Variants in NBPF12 observed in about 807,000 individuals in gnomAD.
NBPF12 encodes NBPF member 12.
In NBPF12, 115 loss-of-function variants were observed where a neutral mutation model predicts 146.4. That is an observed-to-expected ratio of 0.79 (90% CI 0.68 to 0.92). The LOEUF (loss-of-function observed/expected upper bound fraction) is 0.92. NBPF12 is among the 40% of genes least tolerant of loss of function. The pLI is 0.00. For missense variants in NBPF12, 1,205 were observed against 1,326.8 expected, an observed-to-expected ratio of 0.91 and a Z score of 1.43; for synonymous variants, 385 against 508.9, an observed-to-expected ratio of 0.76 and a Z score of 3.28.
intron 15 of NBPF12, among the ~76,000 whole-genome samples, chr1:146,975,147 G>A (rs1397668867): frequency 7.6e-6 from 1 of 130,958 alleles, no homozygotes; most frequent in Non-Finnish European, 1.6e-5. Flanking sequence ...TACTCAAAAT[G>A]GTGTGCCATC....
intron 14 of NBPF12, among the ~76,000 whole-genome samples, chr1:146,973,436 G>A (rs1305929194): frequency 6.1e-3 from 827 of 135,634 alleles, no homozygotes; most frequent in African/African-American, 0.014. Flanking sequence ...GCTCTGAGGG[G>A]CTTCAAGAGG....
chr1:146,961,435 A>G (rs1246823423), intron 4 of NBPF12, among the ~76,000 whole-genome samples: 2 of 152,130 alleles, frequency 1.3e-5, no homozygotes, highest in African/African-American at 4.8e-5. Context: ...AATGAATTAC[A>G]TGAGGTATTT....
At chr1:146,950,232 T>G (rs1454398332) in intron 1 of NBPF12, among the ~76,000 whole-genome samples, 2 of 151,298 alleles carry the variant, frequency 1.3e-5, no homozygotes, top group African/African-American at 4.9e-5. Context: ...CCACATCAGA[T>G]CAAAAGTTTA....
At chr1:146,976,800 A>G (rs1409033640) in intron 16 of NBPF12, 129 bp from the exon 20 acceptor site, 4 of 569,012 alleles carry the variant, frequency 7.0e-6, no homozygotes, top group East Asian at 3.0e-5. Flanking sequence ...TGTTAAAGAT[A>G]AAACATGAGA....
In NBPF12 at chr1:146,951,191, A is replaced by G. The variant is rs1365529544; in HGVS notation, c.-325-157A>G. Among the ~76,000 whole-genome samples, 44 of 152,222 alleles carry G rather than the reference A, an allele frequency of 2.9e-4. No homozygotes were observed. In the South Asian group the frequency reaches 7.7e-3, roughly 27 times the overall value. ...GGGATTCAGGAAGGAGTTTAATCAT[A>G]TAAAGAATCCTGTGACCAGTATGAG... is the stretch of plus-strand genomic sequence containing the variant. On this transcript the variant is annotated intron_variant, in intron 1 of 33. Coordinates refer to ENST00000617844, the Ensembl canonical transcript of NBPF12.
At chr1:146,942,243 C>A (rs1462635308) in intron 1 of NBPF12, among the ~76,000 whole-genome samples, 1 of 151,598 alleles carries the variant, frequency 6.6e-6, no homozygotes, top group African/African-American at 2.4e-5. Context: ...CACACCTTGG[C>A]ATCCCAAAGT....
At chr1:146,965,823 C>T (rs1364065060) in intron 8 of NBPF12, among the ~76,000 whole-genome samples, 2 of 55,854 alleles carry the variant, frequency 3.6e-5, no homozygotes, top group East Asian at 1.5e-3. Flanking sequence ...AAAAAAAAGT[C>T]TCTGACCAGG....
chr1:146,970,571 C>G, intron 11 of NBPF12, 76 bp from the exon 15 acceptor site: 1 of 1,542,980 alleles, frequency 6.5e-7, no homozygotes, highest in Non-Finnish European at 8.9e-7. Flanking sequence ...ATGTTCATGT[C>G]TCTGTGCACG....
At chr1:146,978,024 G>A (rs1343178531) in intron 18 of NBPF12, among the ~76,000 whole-genome samples, 4 of 152,020 alleles carry the variant, frequency 2.6e-5, no homozygotes, top group South Asian at 4.2e-4. Context: ...GCCTGTTTAA[G>A]GAAGCTGGCA....
intron 6 of NBPF12, 99 bp from the exon 10 acceptor site, chr1:146,964,258 G>A (rs1441376977): frequency 9.7e-6 from 15 of 1,549,010 alleles, no homozygotes; most frequent in African/African-American, 1.4e-5. Flanking sequence ...GTACAATGCT[G>A]AACCATACAT....
exon 34 of NBPF12, chr1:146,994,691 G>T (rs1312812641): frequency 2.8e-5 from 43 of 1,509,562 alleles, no homozygotes; most frequent in South Asian, 1.5e-4. Flanking sequence ...GGGTCAGTGG[G>T]CATGGCTCTA....
chr1:146,970,678 A>C, exon 12 of NBPF12: 15 of 1,460,550 alleles, frequency 1.0e-5, no homozygotes, highest in Non-Finnish European at 1.4e-5. Context: ...AAGATGTTCA[A>C]GTTGAGGAGG....
At chr1:146,972,779 C>G (rs1222718780) in exon 14 of NBPF12, 1 of 1,235,216 alleles carries the variant, frequency 8.1e-7, no homozygotes, top group East Asian at 2.3e-5. Context: ...CTGCCACAAA[C>G]GTCAGCATGG....
intron 9 of NBPF12, among the ~76,000 whole-genome samples, chr1:146,967,137 C>G (rs1656261227): frequency 2.0e-5 from 3 of 150,478 alleles, no homozygotes; most frequent in African/African-American, 7.5e-5. Flanking sequence ...TAGCCAGTAC[C>G]CGCTCTGAGG....
intron 1 of NBPF12, chr1:146,939,011 A>C (rs1332323276): frequency 2.6e-5 from 4 of 152,366 alleles, no homozygotes; most frequent in African/African-American, 9.7e-5. Context: ...GCCGGGCGGC[A>C]GGTGAGTCTG....
At chr1:146,965,802 A>AAAAAAAAAAAC (rs1656160808) in intron 8 of NBPF12, among the ~76,000 whole-genome samples, 1 of 137,574 alleles carries the variant, frequency 7.3e-6, no homozygotes, top group Non-Finnish European at 1.6e-5. Flanking sequence ...AAAAAAAAAA[A>AAAAAAAAAAAC]AAAAAAAAAA....
At chr1:146,992,460 C>CCG (rs1465709029) in intron 31 of NBPF12, among the ~76,000 whole-genome samples, 1 of 88,880 alleles carries the variant, frequency 1.1e-5, no homozygotes, top group Non-Finnish European at 2.1e-5. Flanking sequence ...CTCTCTCTCT[C>CCG]TCTGTGTGTG....
intron 21 of NBPF12, 139 bp from the exon 25 acceptor site, chr1:146,984,674 G>A: frequency 5.7e-6 from 4 of 696,976 alleles, no homozygotes; most frequent in Middle Eastern, 3.9e-4. Context: ...ACAACATAAA[G>A]GCAATAATTT....
rs1259412307 is a variant in NBPF12 at position 146,966,684 on chromosome 1, C to A, written c.988+11C>A. 2.4e-6 allele frequency: 3 copies of A among 1,263,668 alleles called. No homozygotes were observed. The highest frequency in any genetic ancestry group is 3.0e-5 in the African/African-American group (2 of 66,630). The allele number at this position is 1,263,668 out of a possible 1,614,324, so 78.3% of individuals were successfully genotyped here. On this transcript the variant is annotated intron_variant, in intron 9 of 33. Transcript: ENST00000617844. ...AGCAGAACAAATACAGTAAGATCTA[C>A]AGGCTCACCATCACGAAAGTGATGA...
Sources: allele counts gnomAD v4.1 joint callset (sites outside exome capture counted in the v4.1 genomes callset), GRCh38; gene constraint gnomAD v4.1.1; transcripts MANE v1.5; gene names NCBI Gene and HGNC (gene_info 2026-07-23, HGNC 2026-07-21).